Variants in NRXN3 observed in about 807,000 individuals in gnomAD.
The protein encoded by NRXN3 is neurexin 3.
Under a neutral mutation model 137.6 loss-of-function variants are expected in NRXN3, and 32 were observed. The ratio of observed to expected loss-of-function variants is 0.23; its 90% CI spans 0.18 to 0.31. NRXN3 has a LOEUF of 0.31. Among genes scored for constraint, NRXN3 ranks in the 10% least tolerant of loss-of-function variants. The pLI is 1.00. For missense variants in NRXN3, 1,574 were observed against 2,062.5 expected (o/e 0.76, Z 4.59); for synonymous variants, 798 against 784.5 (o/e 1.02, Z -0.29).
chr14:79,042,062 C>G (rs185195212), intron 15 of NRXN3, among the ~76,000 whole-genome samples: 92 of 152,248 alleles, frequency 6.0e-4, no homozygotes, highest in Non-Finnish European at 1.0e-3. Context: ...CCAAAGTTAG[C>G]CCGGTAGGGT....
Position 79,529,876 on chromosome 14 carries a change from A to T in NRXN3, c.3444+62474A>T, listed in dbSNP as rs146766946. 4.5e-4 allele frequency among the ~76,000 whole-genome samples: 68 copies of T among 152,318 alleles called. 2 individuals carry two copies. The East Asian group carries it at 0.013, about 28-fold the overall frequency. On this transcript the variant is annotated intron_variant, in intron 16 of 20. Coordinates refer to ENST00000335750, the MANE Select transcript of NRXN3 (RefSeq NM_001330195.2). Reference sequence around the variant, plus strand: ...CAGCTTGCAGAATCATGCCAAGCAAAGTCGAAAACTGCCAGCCTATGTTCA... The same window carrying T: ...CAGCTTGCAGAATCATGCCAAGCAATGTCGAAAACTGCCAGCCTATGTTCA...
intron 15 of NRXN3, among the ~76,000 whole-genome samples, chr14:79,045,831 T>C (rs2099632298): frequency 6.6e-6 from 1 of 152,238 alleles, no homozygotes; most frequent in African/African-American, 2.4e-5. Context: ...CACCTAGTGA[T>C]CTTGTTCAGT....
rs1352650844 is a variant in NRXN3, at chr14:78,390,770, A to C, written c.757+92910A>C. ...GCTGGTTAAATGAGTATTTTAGATA[A>C]TCTTTTTAAAAATGTTATTATTTTT... On this transcript the variant is annotated intron_variant, in intron 4 of 20. Coordinates refer to ENST00000335750, the MANE Select transcript of NRXN3 (RefSeq NM_001330195.2). 3.3e-5 allele frequency among the ~76,000 whole-genome samples: 5 copies of C among 152,266 alleles called. No homozygotes were observed. The South Asian group carries it at 8.3e-4, about 25-fold the overall frequency.
intron 15 of NRXN3, among the ~76,000 whole-genome samples, chr14:79,430,237 G>C (rs2095725936): frequency 6.6e-6 from 1 of 152,158 alleles, no homozygotes; most frequent in Admixed American, 6.5e-5. Flanking sequence ...GACTGCGTTT[G>C]TGAAGCCTCC....
At chr14:79,151,441 G>A (rs533787059) in intron 15 of NRXN3, among the ~76,000 whole-genome samples, 3 of 152,114 alleles carry the variant, frequency 2.0e-5, no homozygotes, top group Non-Finnish European at 4.4e-5. Flanking sequence ...AGAACAGAAC[G>A]CCACTCATCG....
chr14:78,904,582 C>T (rs964704879), intron 10 of NRXN3, among the ~76,000 whole-genome samples: 1 of 152,040 alleles, frequency 6.6e-6, no homozygotes, highest in African/African-American at 2.4e-5. Context: ...TAGAGAGAAC[C>T]TCAACCTCTC....
intron 16 of NRXN3, among the ~76,000 whole-genome samples, chr14:79,583,853 GGA>G (rs2097741438): frequency 6.6e-6 from 1 of 152,126 alleles, no homozygotes; most frequent in Admixed American, 6.5e-5. Flanking sequence ...TGAATCAACA[GGA>G]GAGAGAGAAT....
chr14:79,094,220 T>C (rs890756502), intron 15 of NRXN3, among the ~76,000 whole-genome samples: 7 of 152,282 alleles, frequency 4.6e-5, no homozygotes, highest in African/African-American at 1.7e-4. Context: ...TCCTAAGCAG[T>C]GGGGTAGAGC....
At chr14:79,848,493 T>A (rs2099385089) in intron 20 of NRXN3, among the ~76,000 whole-genome samples, 1 of 152,146 alleles carries the variant, frequency 6.6e-6, no homozygotes, top group African/African-American at 2.4e-5. Flanking sequence ...TAGTGTTTTT[T>A]TATGTGTGGC....
intron 10 of NRXN3, among the ~76,000 whole-genome samples, chr14:78,831,825 T>G (rs899827353): frequency 1.3e-5 from 2 of 152,158 alleles, no homozygotes; most frequent in African/African-American, 4.8e-5. Context: ...TTGTTCAGGA[T>G]CACATATGAA....
At chr14:79,785,906 G>T (rs1443913624) in intron 19 of NRXN3, among the ~76,000 whole-genome samples, 1 of 151,696 alleles carries the variant, frequency 6.6e-6, no homozygotes, top group Admixed American at 6.6e-5. Flanking sequence ...GAAACACTTT[G>T]ATACTAGATG....
intron 11 of NRXN3, 52 bp downstream of exon 11, chr14:78,957,413 T>C (rs771494394): frequency 6.3e-7 from 1 of 1,584,150 alleles, no homozygotes; most frequent in Non-Finnish European, 8.6e-7. Flanking sequence ...GTCCTCTCAG[T>C]CACTGAGTGA....
chr14:78,363,399 T>C (rs2153608240), intron 4 of NRXN3, among the ~76,000 whole-genome samples: 1 of 152,342 alleles, frequency 6.6e-6, no homozygotes, highest in South Asian at 2.1e-4. Context: ...AAGAGAACTT[T>C]TTATTGAGAA....
chr14:79,807,607 A>G (rs1046375203), intron 20 of NRXN3, among the ~76,000 whole-genome samples: 10 of 152,276 alleles, frequency 6.6e-5, no homozygotes, highest in African/African-American at 2.2e-4. Flanking sequence ...TTCAACACCA[A>G]CATTTCTTGA....
intron 4 of NRXN3, chr14:78,300,660 T>C (rs1426822046): frequency 6.5e-7 from 1 of 1,529,238 alleles, no homozygotes; most frequent in South Asian, 1.2e-5. Flanking sequence ...CTCTACTTAA[T>C]TGGACCTTCA....
At chr14:78,734,206 A>AACACACACAC (rs10563958) in intron 8 of NRXN3, among the ~76,000 whole-genome samples, 5 of 137,702 alleles carry the variant, frequency 3.6e-5, no homozygotes, top group African/African-American at 8.0e-5. Flanking sequence ...CTGCATCTGA[A>AACACACACAC]ACACACACAC....
At chr14:79,051,930 G>A (rs1162190466) in intron 15 of NRXN3, among the ~76,000 whole-genome samples, 2 of 152,172 alleles carry the variant, frequency 1.3e-5, no homozygotes, top group Non-Finnish European at 2.9e-5. Flanking sequence ...AGTAGAGTCA[G>A]CATTTACACT....
chr14:78,285,467 G>A (rs1596795267), intron 3 of NRXN3, among the ~76,000 whole-genome samples: 1 of 151,998 alleles, frequency 6.6e-6, no homozygotes, highest in East Asian at 1.9e-4. Context: ...TTGAGGCTCA[G>A]GTACAATAAG....
chr14:79,528,737 T>G (rs1267339100), intron 16 of NRXN3, among the ~76,000 whole-genome samples: 1 of 152,132 alleles, frequency 6.6e-6, no homozygotes, highest in East Asian at 1.9e-4. Context: ...ATATTACAGA[T>G]AGCATTTCCT....
Sources: gnomAD v4.1 joint callset for allele counts (sites outside exome capture counted in the v4.1 genomes callset) on GRCh38, gnomAD v4.1.1 for gene constraint, MANE v1.5 for transcripts, NCBI Gene and HGNC (gene_info 2026-07-23, HGNC 2026-07-21) for gene names.